The following BEND3 variants were observed in gnomAD, a reference collection of about 807,000 sequenced individuals.
BEND3 encodes BEN domain containing 3, also known as BEN domain-containing protein 3.
Under a neutral mutation model 60.1 loss-of-function variants are expected in BEND3, and 13 were observed. The observed-to-expected ratio is 0.22, with a 90% confidence interval of 0.14 to 0.34. The LOEUF is 0.34. Among genes scored for constraint, BEND3 ranks in the 10% least tolerant of loss-of-function variants. The pLI is 1.00. For missense variants in BEND3, 896 were observed against 1,138.1 expected, an observed-to-expected ratio of 0.79 and a Z score of 3.06; for synonymous variants, 497 against 491.5, an observed-to-expected ratio of 1.01 and a Z score of -0.15.
chr6:107,096,274 G>C (rs1775583263), intron 3 of BEND3, among the ~76,000 whole-genome samples: 1 of 152,170 alleles, frequency 6.6e-6, no homozygotes, highest in Admixed American at 6.5e-5. Context: ...ATGCTAAGAA[G>C]CCAGACACAT....
Position 107,070,453 on chromosome 6 carries a change from G to A in BEND3, c.738C>T (p.Tyr246=). 1.2e-6 allele frequency: 2 copies of A among 1,614,120 alleles called. No individual in the cohort carries two copies. Among genetic ancestry groups the A allele is most frequent in the Non-Finnish European group, 1.7e-6 (2 of 1,180,036 alleles). Residue 246 remains tyrosine (Y), a synonymous_variant, in exon 4 of 4, where the codon TAC becomes TAT. Transcript: ENST00000369042. The surrounding 1 kb of genome is among the most constrained non-coding windows in gnomAD (Gnocchi z 6.9). ...GCTTGAGCTCTGCGGCTGTGAGCTG[G>A]TACTCAGGGGGCGGCTGGAATTTGG... ...MVAKFQPPPE[Y]QLTAAELKQI...
At chr6:107,084,280 T>A (rs1450286894) in intron 3 of BEND3, among the ~76,000 whole-genome samples, 1 of 152,198 alleles carries the variant, frequency 6.6e-6, no homozygotes, top group African/African-American at 2.4e-5. Context: ...AGTCTGAGAG[T>A]TAAAATCTCC....
In BEND3 at chr6:107,069,663, C is replaced by A. The variant is rs1165469910; in HGVS notation, c.1528G>T (p.Val510Leu). The A allele has an allele frequency of 6.2e-7, 1 of 1,610,036 alleles. No homozygotes were observed. Residue 510 changes from valine (V) to leucine (L), a missense_variant, in exon 4 of 4, where the codon GTG (valine) becomes TTG (leucine). Physicochemically the swap from Val to Leu is conservative, Grantham distance 32. Coordinates refer to ENST00000369042, the MANE Select transcript of BEND3 (RefSeq NM_001367314.1). The stretch of plus-strand genomic sequence containing the variant: ...TCGAAGCTGTCCTCCACCTTGACCA[C>A]TGAGATGTCGTCGGGCAGACTGGAG... The part of the protein sequence containing the change: ...DSSSLPDDIS[V>L]VKVEDSFEGE...
chr6:107,066,188 G>C lies in BEND3; in HGVS notation c.*2516C>G, dbSNP rs1554230805. 1 of 151,720 alleles carries C rather than the reference G, an allele frequency of 6.6e-6. No homozygotes were observed. 9.4% of individuals were successfully genotyped at this position (151,720 alleles called of 1,614,324 possible). On this transcript the variant is annotated 3_prime_UTR_variant, in exon 4 of 4. Coordinates refer to ENST00000369042, the MANE Select transcript of BEND3 (RefSeq NM_001367314.1). ...AAAGCGACTGCCAACAGGTTTCATG[G>C]AACACATTAAATTTTGAAAAAATAA...
rs781987529 is a variant in BEND3 at position 107,069,464 on chromosome 6, C to T, written c.1727G>A (p.Arg576His). ...CTCGGGGAACAGGTGCACCAGCAGG[C>T]GCGAGGCGAAGTTGCCGATGGACAG... ...SSLSIGNFAS[R>H]LLVHLFPELF... The change falls in exon 4 of 4, where the codon CGC becomes CAC. Residue 576 changes from arginine (R) to histidine (H), a missense_variant. Around this residue, in one of 4 missense-constraint regions of BEND3, gnomAD observed 846 missense variants for 1,036.7 expected, o/e 0.82. Coordinates refer to ENST00000369042, the MANE Select transcript of BEND3 (RefSeq NM_001367314.1). 8 of 1,611,900 alleles carry T rather than the reference C, an allele frequency of 5.0e-6. No homozygotes were observed. The highest frequency in any genetic ancestry group is 4.0e-5 in the African/African-American group (3 of 74,706).
Position 107,067,014 on chromosome 6 carries a change from G to C in BEND3, c.*1690C>G, listed in dbSNP as rs1229817608. The C allele has an allele frequency of 6.6e-6, 1 of 152,166 alleles. No homozygotes were observed. The highest frequency in any genetic ancestry group is 1.5e-5 in the Non-Finnish European group (1 of 68,024). 9.4% of individuals were successfully genotyped at this position (152,166 alleles called of 1,614,324 possible). A position where few individuals can be genotyped will look rare whatever the true frequency, so the allele number is the denominator to read the frequency against. On this transcript the variant is annotated 3_prime_UTR_variant, in exon 4 of 4. Coordinates refer to ENST00000369042, the MANE Select transcript of BEND3 (RefSeq NM_001367314.1). ...CTGTGCCTTTCTAAATCTGTTTGCA[G>C]TTTCAACAGAAATAATCTGTAAATG...
chr6:107,073,897 GAA>G (rs1775044448), intron 3 of BEND3, among the ~76,000 whole-genome samples: 2 of 151,590 alleles, frequency 1.3e-5, no homozygotes, highest in African/African-American at 4.8e-5. Context: ...GAAAGAAAAA[GAA>G]AAGGAGAAAA....
At chr6:107,092,286 A>G (rs1344521310) in intron 3 of BEND3, among the ~76,000 whole-genome samples, 5 of 152,126 alleles carry the variant, frequency 3.3e-5, no homozygotes, top group Non-Finnish European at 7.4e-5. Context: ...CACCATGACC[A>G]ACTTAGATTT....
intron 3 of BEND3, among the ~76,000 whole-genome samples, chr6:107,088,508 G>GAAACA (rs1282495278): frequency 1.1e-4 from 17 of 151,784 alleles, no homozygotes; most frequent in Non-Finnish European, 4.4e-5. Context: ...TGATACACGA[G>GAAACA]AAACAAAACA....
intron 3 of BEND3, among the ~76,000 whole-genome samples, chr6:107,094,556 G>A (rs1554235691): frequency 6.6e-6 from 1 of 151,914 alleles, no homozygotes; most frequent in East Asian, 1.9e-4. Flanking sequence ...AGCAGGCAGA[G>A]GTTGTAGTGA....
chr6:107,080,023 G>A (rs1358565953), intron 3 of BEND3, among the ~76,000 whole-genome samples: 1 of 151,732 alleles, frequency 6.6e-6, no homozygotes, highest in Non-Finnish European at 1.5e-5. Context: ...GAGCCACCAC[G>A]CCTCACCCTT....
At chr6:107,095,825 G>A (rs1040631376) in intron 3 of BEND3, among the ~76,000 whole-genome samples, 2 of 152,184 alleles carry the variant, frequency 1.3e-5, no homozygotes, top group Non-Finnish European at 2.9e-5. Flanking sequence ...CCAACTTCAC[G>A]ACATTCTGGA....
At chr6:107,078,603 A>G (rs1294376385) in intron 3 of BEND3, among the ~76,000 whole-genome samples, 3 of 33,850 alleles carry the variant, frequency 8.9e-5, no homozygotes, top group African/African-American at 1.2e-4. Flanking sequence ...TACAGGCGTG[A>G]GCCTCCGTGC....
At chr6:107,106,101 T>C (rs1203582575) in intron 1 of BEND3, 2 of 152,260 alleles carry the variant, frequency 1.3e-5, no homozygotes, top group Non-Finnish European at 2.9e-5. Flanking sequence ...AATTGCCATA[T>C]GTCTGATTTG....
At chr6:107,098,967 A>C (rs1775647805) in intron 2 of BEND3, among the ~76,000 whole-genome samples, 3 of 152,230 alleles carry the variant, frequency 2.0e-5, no homozygotes, top group Admixed American at 2.0e-4. Context: ...AAGAGCATTT[A>C]GTTCAAATTG....
intron 3 of BEND3, among the ~76,000 whole-genome samples, chr6:107,071,625 G>A (rs894781162): frequency 6.6e-6 from 1 of 152,142 alleles, no homozygotes; most frequent in African/African-American, 2.4e-5. Flanking sequence ...TGAGACAGTA[G>A]AAACAACCCC....
chr6:107,087,023 T>TAAAAAAAAA, intron 3 of BEND3, among the ~76,000 whole-genome samples: 1 of 80,834 alleles, frequency 1.2e-5, no homozygotes, highest in South Asian at 3.9e-4. Flanking sequence ...AGACTCTGTC[T>TAAAAAAAAA]AAAAAAAAAA....
chr6:107,087,095 GC>G lies in BEND3; in HGVS notation c.240+11455del, dbSNP rs377125933. ...GCCGGTAATCCCAGCACTTTCAGAG[GC>G]CGAGGCGGGTGGACCACTTGAGGTC... On this transcript the variant is annotated intron_variant, in intron 3 of 3. Coordinates refer to ENST00000369042, the MANE Select transcript of BEND3 (RefSeq NM_001367314.1). Among the ~76,000 whole-genome samples the G allele has an allele frequency of 6.2e-3, 944 of 151,720 alleles. 11 individuals carry two copies. The highest frequency in any genetic ancestry group is 0.021 in the African/African-American group (883 of 41,354).
At position 107,115,425 on chromosome 6, in the gene BEND3, G is replaced by T. The variant is rs1464675674; in HGVS notation, c.-347C>A. Among the ~76,000 whole-genome samples, 1 of 148,424 alleles carries T rather than the reference G, an allele frequency of 6.7e-6. No homozygotes were observed. Among genetic ancestry groups the T allele is most frequent in the Non-Finnish European group, 1.5e-5 (1 of 66,612 alleles). On this transcript the variant is annotated 5_prime_UTR_variant, in exon 1 of 4. Transcript: ENST00000369042. ...CAGCGGGGCACACGCGGGACCGGCG[G>T]CGGCGGCGCTCGGGCGTGAACGGCC...
Sources: gnomAD v4.1 joint callset for allele counts (sites outside exome capture counted in the v4.1 genomes callset) on GRCh38, gnomAD v4.1.1 for gene constraint, gnomAD v4.1.1 regional missense constraint, Gnocchi (gnomAD v3.1) non-coding constraint, MANE v1.5 for transcripts, NCBI Gene and HGNC (gene_info 2026-07-23, HGNC 2026-07-21) for gene names.